Variants in TPRG1 observed in about 807,000 individuals in gnomAD.
TPRG1 encodes the protein tumor protein p63 regulated 1, also known as tumor protein p63-regulated gene 1 protein.
Under a neutral mutation model 29.3 loss-of-function variants are expected in TPRG1, and 29 were observed. The ratio of observed to expected loss-of-function variants is 0.99; its 90% CI spans 0.74 to 1.35. The LOEUF (loss-of-function observed/expected upper bound fraction) is 1.35. Ranked by LOEUF, TPRG1 falls within the 40% of genes most tolerant of loss-of-function variation. TPRG1 has a pLI of 0.00. For synonymous variants in TPRG1, 130 were observed against 116.8 expected, an observed-to-expected ratio of 1.11 and a Z score of -0.73; for missense variants, 327 against 335.0, an observed-to-expected ratio of 0.98 and a Z score of 0.19.
rs1178746259 is a variant in TPRG1, at chr3:189,186,942, A to T, written c.-10+14811A>T. Among the ~76,000 whole-genome samples, 6 of 148,376 alleles carry T rather than the reference A, an allele frequency of 4.0e-5. No homozygotes were observed. In the East Asian group the frequency reaches 1.2e-3, roughly 30 times the overall value. ...AGACTTCAAACTGTTTTGAAATCCT[A>T]TCATATTTTCTAGGCCTTTAGATTC... On this transcript the variant is annotated intron_variant, in intron 1 of 5. Coordinates refer to ENST00000345063, the MANE Select transcript of TPRG1 (RefSeq NM_198485.4).
chr3:189,181,529 C>G (rs1310393883), intron 1 of TPRG1, among the ~76,000 whole-genome samples: 1 of 152,206 alleles, frequency 6.6e-6, no homozygotes, highest in African/African-American at 2.4e-5. Context: ...CAACCAGTCT[C>G]TTTGCTAAAA....
At chr3:189,272,921 G>A (rs1050968365) in intron 4 of TPRG1, among the ~76,000 whole-genome samples, 1 of 152,142 alleles carries the variant, frequency 6.6e-6, no homozygotes, top group Non-Finnish European at 1.5e-5. Context: ...GGGGTCTGGG[G>A]TCTGTAATGG....
chr3:189,160,546 T>A (rs1375086073), intron 5 of TPRG1, among the ~76,000 whole-genome samples: 1 of 152,194 alleles, frequency 6.6e-6, no homozygotes, highest in African/African-American at 2.4e-5. Context: ...GGAGAAAGAT[T>A]ATGTTTACCT....
intron 4 of TPRG1, among the ~76,000 whole-genome samples, chr3:189,067,926 A>AG (rs1716559435): frequency 6.6e-6 from 1 of 152,222 alleles, no homozygotes; most frequent in Non-Finnish European, 1.5e-5. Context: ...CTGGCTGACA[A>AG]GGGATTACTA....
intron 4 of TPRG1, among the ~76,000 whole-genome samples, chr3:189,029,152 T>G (rs573431052): frequency 9.2e-5 from 14 of 152,156 alleles, no homozygotes; most frequent in Non-Finnish European, 1.9e-4. Flanking sequence ...AATATGATAA[T>G]GCCTGCTATC....
chr3:189,016,585 C>A lies in TPRG1; in HGVS notation c.-659-7165C>A, dbSNP rs1712945826. Among the ~76,000 whole-genome samples, 3 of 152,034 alleles carry A rather than the reference C, an allele frequency of 2.0e-5. No homozygotes were observed. In the South Asian group the frequency reaches 6.2e-4, roughly 32 times the overall value. On this transcript the variant is annotated intron_variant, in intron 3 of 10. Coordinates refer to the TPRG1 transcript ENST00000433971. ...TATGATTGTGCTCTGTGACCCCACCCAAATCTCATTTCAAATTTTAATCCT... is the reference window on the plus strand; with the variant it reads ...TATGATTGTGCTCTGTGACCCCACCAAAATCTCATTTCAAATTTTAATCCT...
rs183905707 is a variant in TPRG1 at position 189,206,326 on chromosome 3, C to T, written c.-9-1050C>T. Among the ~76,000 whole-genome samples the T allele has an allele frequency of 3.3e-5, 5 of 151,760 alleles. No individual in the cohort carries two copies. The East Asian group carries it at 9.7e-4, about 29-fold the overall frequency. On this transcript the variant is annotated intron_variant, in intron 1 of 5. Transcript: ENST00000345063. ...TACAGTGCAACATATTTTATTTAGT[C>T]AACTTCTTACTGATGGATACTTATT...
At chr3:189,301,343 A>G (rs1720810916) in intron 4 of TPRG1, among the ~76,000 whole-genome samples, 1 of 151,202 alleles carries the variant, frequency 6.6e-6, no homozygotes, top group Admixed American at 6.6e-5. Context: ...GTTCTGTAAG[A>G]CACTTTCCAG....
At chr3:189,129,838 T>G (rs1049332216) in intron 2 of TPRG1, among the ~76,000 whole-genome samples, 1 of 152,174 alleles carries the variant, frequency 6.6e-6, no homozygotes, top group Non-Finnish European at 1.5e-5. Context: ...GGAAGGAGTA[T>G]GAAAATAATT....
intron 5 of TPRG1, among the ~76,000 whole-genome samples, chr3:189,166,747 T>C (rs1276046214): frequency 6.6e-6 from 1 of 152,164 alleles, no homozygotes; most frequent in Non-Finnish European, 1.5e-5. Flanking sequence ...TGATGAGACA[T>C]GTAAAATGCC....
intron 4 of TPRG1, among the ~76,000 whole-genome samples, chr3:189,074,524 C>T (rs1209160614): frequency 1.3e-5 from 2 of 151,748 alleles, no homozygotes; most frequent in East Asian, 3.9e-4. Flanking sequence ...TTCTTTTTTA[C>T]GTTTGGAAAC....
rs533367311 is a variant in TPRG1, at chr3:189,133,651, G to A, written c.-291+954G>A. Among the ~76,000 whole-genome samples the A allele has an allele frequency of 2.6e-5, 4 of 152,324 alleles. No homozygotes were observed. In the East Asian group the frequency reaches 5.8e-4, roughly 22 times the overall value. On this transcript the variant is annotated intron_variant, in intron 3 of 6. Coordinates refer to the TPRG1 transcript ENST00000412373. ...GGCCTCTTCAGCCTTGTGGAACTGT[G>A]AGTCAATTAAGCCTTTTTCCTTTAC...
intron 4 of TPRG1, among the ~76,000 whole-genome samples, chr3:189,085,113 C>T (rs935508717): frequency 2.0e-5 from 3 of 152,100 alleles, no homozygotes; most frequent in Non-Finnish European, 4.4e-5. Flanking sequence ...TTACATGAAT[C>T]ATAAACTAGT....
intron 4 of TPRG1, among the ~76,000 whole-genome samples, chr3:189,070,609 T>G (rs1396718890): frequency 6.6e-6 from 1 of 152,150 alleles, no homozygotes; most frequent in African/African-American, 2.4e-5. Flanking sequence ...ATCCAAATGA[T>G]TTCAATAAAA....
chr3:189,039,266 G>A (rs987941982), intron 4 of TPRG1, among the ~76,000 whole-genome samples: 2 of 152,176 alleles, frequency 1.3e-5, no homozygotes, highest in East Asian at 1.9e-4. Context: ...ATTCTTTGCT[G>A]AATCTTCAGT....
At chr3:189,129,238 T>G (rs1007867001) in intron 2 of TPRG1, among the ~76,000 whole-genome samples, 1 of 152,182 alleles carries the variant, frequency 6.6e-6, no homozygotes, top group Non-Finnish European at 1.5e-5. Flanking sequence ...TTCCTTTTCT[T>G]TCATGATTGT....
intron 4 of TPRG1, among the ~76,000 whole-genome samples, chr3:189,065,543 T>C (rs9827436): frequency 0.036 from 5,531 of 151,960 alleles, 327 homozygotes; most frequent in African/African-American, 0.13. Context: ...TAATATACCA[T>C]GTCCAAAAGC....
At chr3:189,229,947 T>G (rs573232783) in intron 3 of TPRG1, among the ~76,000 whole-genome samples, 1 of 152,348 alleles carries the variant, frequency 6.6e-6, no homozygotes, top group South Asian at 2.1e-4. Flanking sequence ...TGTGTACATT[T>G]GTGCTATCTT....
chr3:189,127,752 A>G (rs1722653195), intron 2 of TPRG1, among the ~76,000 whole-genome samples: 1 of 152,216 alleles, frequency 6.6e-6, no homozygotes, highest in Non-Finnish European at 1.5e-5. Flanking sequence ...TCTGGGTAGA[A>G]CCTTGAGGTC....
Sources: gnomAD v4.1 joint callset for allele counts (sites outside exome capture counted in the v4.1 genomes callset) on GRCh38, gnomAD v4.1.1 for gene constraint, MANE v1.5 for transcripts, NCBI Gene and HGNC (gene_info 2026-07-23, HGNC 2026-07-21) for gene names.